DNAH7: variants seen among roughly 807,000 people sequenced by gnomAD.
The protein encoded by DNAH7 is dynein axonemal heavy chain 7, also known as axonemal beta dynein heavy chain 7.
Under a neutral mutation model 444.6 loss-of-function variants are expected in DNAH7, and 397 were observed. The ratio of observed to expected loss-of-function variants is 0.89; its 90% CI spans 0.82 to 0.97. DNAH7 has a LOEUF of 0.97. Ranked by LOEUF, DNAH7 falls within the 50% of genes least tolerant of loss-of-function variation. The probability of loss-of-function intolerance (pLI) is 0.00; values close to 1 mark genes in which losing one functional copy is unlikely to be tolerated. For synonymous variants in DNAH7, 1,636 were observed against 1,624.4 expected (o/e 1.01, Z -0.17); for missense variants, 4,902 against 4,800.8 (o/e 1.02, Z -0.62).
Position 195,864,826 on chromosome 2 carries a change from T to A in DNAH7, c.6829A>T (p.Lys2277Ter). The A allele has an allele frequency of 6.2e-7, 1 of 1,614,214 alleles. No homozygotes were observed. The highest frequency in any genetic ancestry group is 1.1e-5 in the South Asian group (1 of 91,086). ...TCTCTGTAGTTGGTATCCTCCCTCT[T>A]GGGATCATGGAAATCACAAAACATT... The part of the protein sequence containing the change: ...SLMFCDFHDP[K>*]REDTNYREIA... The change falls in exon 41 of 65, where the codon AAG becomes TAG. Residue 2277 changes from lysine (K) to a stop codon, truncating the protein, a stop_gained. Coordinates refer to ENST00000312428, the MANE Select transcript of DNAH7 (RefSeq NM_018897.3). LOFTEE classifies it high-confidence loss of function.
At chr2:195,966,034 T>A (rs193071881) in intron 17 of DNAH7, among the ~76,000 whole-genome samples, 1 of 152,052 alleles carries the variant, frequency 6.6e-6, no homozygotes, top group African/African-American at 2.4e-5. Flanking sequence ...TTCCTTAAGG[T>A]GCATAATTAG....
At chr2:195,844,431 G>A (rs982639329) in intron 47 of DNAH7, among the ~76,000 whole-genome samples, 6 of 152,274 alleles carry the variant, frequency 3.9e-5, no homozygotes, top group Non-Finnish European at 7.4e-5. Flanking sequence ...GAAGTCCTTG[G>A]TTTCTGGGAG....
At chr2:195,740,958 T>C (rs1692993574) in intron 63 of DNAH7, 89 bp from the exon 64 acceptor site, 4 of 627,286 alleles carry the variant, frequency 6.4e-6, no homozygotes, top group Non-Finnish European at 9.8e-6. Context: ...GTAAGTACTA[T>C]GCAGGTGATA....
At chr2:195,957,162 T>C in intron 19 of DNAH7, 99 bp downstream of exon 19, 4 of 1,009,118 alleles carry the variant, frequency 4.0e-6, no homozygotes, top group Non-Finnish European at 5.5e-6. Context: ...AAACAGATAA[T>C]GGCTTATTGG....
chr2:195,974,496 G>A (rs1292430599), intron 15 of DNAH7, among the ~76,000 whole-genome samples: 1 of 152,026 alleles, frequency 6.6e-6, no homozygotes, highest in Non-Finnish European at 1.5e-5. Flanking sequence ...AGGCTATTAT[G>A]TACAGTAGAA....
At chr2:195,926,637 A>C in intron 21 of DNAH7, 71 bp from the exon 22 acceptor site, 1 of 1,366,460 alleles carries the variant, frequency 7.3e-7, no homozygotes, top group South Asian at 1.6e-5. Context: ...GCTAAACTAA[A>C]CTAGATTAAT....
intron 64 of DNAH7, 108 bp downstream of exon 64, chr2:195,740,648 TATACACACAC>T (rs1692969132): frequency 1.7e-5 from 1 of 59,896 alleles, no homozygotes. Context: ...TATATATACA[TATACACACAC>T]ACATATGTAT....
chr2:195,777,769 T>C, intron 59 of DNAH7, 31 bp downstream of exon 59: 1 of 1,572,292 alleles, frequency 6.4e-7, no homozygotes, highest in Non-Finnish European at 8.7e-7. Flanking sequence ...CATGTCTTAC[T>C]GCTTTTAGTT....
chr2:195,798,054 T>G lies in DNAH7; in HGVS notation c.10353+1242A>C, dbSNP rs528968914. On this transcript the variant is annotated intron_variant, in intron 55 of 64. Transcript: ENST00000312428. Reference sequence around the variant, plus strand: ...CCTATTTATAGTTTTCTTTTCAGCTTTAGGTTTTAGGAGCTGCTGCAAGGC... The same window carrying G: ...CCTATTTATAGTTTTCTTTTCAGCTGTAGGTTTTAGGAGCTGCTGCAAGGC... 7.2e-4 allele frequency among the ~76,000 whole-genome samples: 109 copies of G among 152,370 alleles called. 1 individual carries two copies. In the Middle Eastern group the frequency reaches 0.027, roughly 38 times the overall value.
chr2:195,959,061 A>C (rs1690896196), intron 18 of DNAH7, among the ~76,000 whole-genome samples: 2 of 151,758 alleles, frequency 1.3e-5, no homozygotes, highest in Admixed American at 1.3e-4. Context: ...ACTCCATCTC[A>C]AATTAATTAA....
At chr2:196,048,132 T>A (rs118150911) in intron 4 of DNAH7, among the ~76,000 whole-genome samples, 164 bp downstream of exon 4, 1 of 152,332 alleles carries the variant, frequency 6.6e-6, no homozygotes, top group East Asian at 1.9e-4. Flanking sequence ...AACTGAGAAC[T>A]ACAATCAATT....
At chr2:196,048,095 C>G (rs906393868) in intron 4 of DNAH7, among the ~76,000 whole-genome samples, 9 of 152,146 alleles carry the variant, frequency 5.9e-5, no homozygotes, top group South Asian at 4.1e-4. Context: ...AATATCAGCT[C>G]TTATAGCATT....
chr2:195,839,754 A>T (rs1271717561), intron 47 of DNAH7, among the ~76,000 whole-genome samples: 1 of 151,742 alleles, frequency 6.6e-6, no homozygotes, highest in Non-Finnish European at 1.5e-5. Flanking sequence ...TCATACATTT[A>T]ACAGCTTAGA....
chr2:195,829,286 T>C (rs1316913222), intron 48 of DNAH7, among the ~76,000 whole-genome samples: 1 of 152,146 alleles, frequency 6.6e-6, no homozygotes, highest in African/African-American at 2.4e-5. Flanking sequence ...TTTAGTTGTC[T>C]AGATGAGGTA....
Position 195,861,883 on chromosome 2 carries a change from C to T in DNAH7, c.7570G>A (p.Glu2524Lys). Residue 2524 changes from glutamate to lysine, a missense_variant, in exon 42 of 65, where the codon GAG becomes AAG. Transcript: ENST00000312428. The part of the protein sequence containing the change: ...SRFLEEIEMS[E>K]EIRDGCIDMC... ...TCGATACAGCCATCTCGTATTTCCT[C>T]TGACATTTCAATTTCTTCCAAGAAT... The T allele has an allele frequency of 6.2e-7, 1 of 1,613,998 alleles. No individual in the cohort carries two copies. The highest frequency in any genetic ancestry group is 8.5e-7 in the Non-Finnish European group (1 of 1,179,898).
In DNAH7 at chr2:195,886,289, A is replaced by G; in HGVS notation, c.5407-17T>C. On this transcript the variant is annotated splice_polypyrimidine_tract_variant and intron_variant, in intron 33 of 64. Transcript: ENST00000312428. ...AGATAATTCCTGAAAAGTCAGTAAGAAAAATGACTAAACAATTTAAATTAG... is the reference window on the plus strand; with the variant it reads ...AGATAATTCCTGAAAAGTCAGTAAGGAAAATGACTAAACAATTTAAATTAG... 1 of 1,604,330 alleles carries G rather than the reference A, an allele frequency of 6.2e-7. No homozygotes were observed. Among genetic ancestry groups the G allele is most frequent in the Non-Finnish European group, 8.5e-7 (1 of 1,175,692 alleles).
At chr2:195,962,479 A>T (rs1691176995) in intron 17 of DNAH7, among the ~76,000 whole-genome samples, 1 of 152,220 alleles carries the variant, frequency 6.6e-6, no homozygotes, top group African/African-American at 2.4e-5. Context: ...CCTCCCAAGT[A>T]GCTGGGACTA....
chr2:195,990,775 TTGTGTGTGTGTGTGTGTGTG>T (rs140976714), intron 12 of DNAH7, among the ~76,000 whole-genome samples: 2 of 132,948 alleles, frequency 1.5e-5, no homozygotes, highest in African/African-American at 5.8e-5. Flanking sequence ...TATAGCTTTG[TTGTGTGTGTGTGTGTGTGTG>T]TGTGTGTGTG....
chr2:195,739,014 G>A (rs1399459342), intron 64 of DNAH7, among the ~76,000 whole-genome samples: 1 of 152,130 alleles, frequency 6.6e-6, no homozygotes, highest in East Asian at 1.9e-4. Flanking sequence ...TGTAAAACTC[G>A]AAGCACTCTT....
Sources: gnomAD v4.1 joint callset for allele counts (sites outside exome capture counted in the v4.1 genomes callset) on GRCh38, gnomAD v4.1.1 for gene constraint, MANE v1.5 for transcripts, NCBI Gene and HGNC (gene_info 2026-07-23, HGNC 2026-07-21) for gene names.